Variants in USP19 observed in about 807,000 individuals in gnomAD.
USP19 encodes ubiquitin specific peptidase 19.
A neutral mutation model predicts 144.8 loss-of-function variants in USP19; 40 were observed. The ratio of observed to expected loss-of-function variants is 0.28; its 90% CI spans 0.21 to 0.36. USP19 has a LOEUF of 0.36. Among genes scored for constraint, USP19 ranks in the 10% least tolerant of loss-of-function variants. The pLI is 1.00. For synonymous variants in USP19, 701 were observed against 709.3 expected (o/e 0.99, Z 0.19); for missense variants, 1,518 against 1,822.5 (o/e 0.83, Z 3.04).
At chr3:49,109,194 T>C (rs1305963969) in intron 26 of USP19, 3 of 1,461,886 alleles carry the variant, frequency 2.1e-6, no homozygotes, top group Non-Finnish European at 2.7e-6. Context: ...GCCTAGGGTA[T>C]GTGGAAACGG....
chr3:49,108,707 T>TAA lies in USP19; in HGVS notation c.4039-181_4039-180dup, dbSNP rs2042688613. 1 of 1,334,530 alleles carries TAA rather than the reference T, an allele frequency of 7.5e-7. No individual in the cohort carries two copies. The highest frequency in any genetic ancestry group is 1.5e-5 in the African/African-American group (1 of 66,974). 82.7% of individuals were successfully genotyped at this position (1,334,530 alleles called of 1,614,324 possible). On this transcript the variant is annotated intron_variant, in intron 26 of 26. Transcript: ENST00000417901. The surrounding 1 kb of genome is among the most constrained non-coding windows in gnomAD (Gnocchi z 4.8). ...AATAGTCTGGTTTTATTAACACTTTTAAGTACAGGAAGTAGCTTGGGCAGG... is the reference window on the plus strand; with the variant it reads ...AATAGTCTGGTTTTATTAACACTTTTAAAAGTACAGGAAGTAGCTTGGGCAGG...
In USP19 at chr3:49,110,981, G is replaced by A. The variant is rs1475215126; in HGVS notation, c.3514C>T (p.Arg1172Trp). ...TLDQCLNLFTRPEVLAPEEAW... is the reference protein window; with the variant it reads ...TLDQCLNLFTWPEVLAPEEAW... Reference sequence around the variant, plus strand: ...TCCTCGGGTGCCAGCACCTCAGGCCGTGTGAAGAGGTTGAGGCACTGGTCC... The same window carrying A: ...TCCTCGGGTGCCAGCACCTCAGGCCATGTGAAGAGGTTGAGGCACTGGTCC... Residue 1172 changes from arginine to tryptophan, a missense_variant, in exon 23 of 27, where the codon CGG becomes TGG. Arg to Trp is a moderately radical substitution (Grantham distance 101, BLOSUM62 -3). Transcript: ENST00000417901. This position sits in a 1 kb window ranked among gnomAD's most constrained non-coding sequence, Gnocchi z 6.1. The A allele has an allele frequency of 3.7e-6, 6 of 1,613,826 alleles. No homozygotes were observed. The highest frequency in any genetic ancestry group is 5.1e-6 in the Non-Finnish European group (6 of 1,180,022).
intron 26 of USP19, chr3:49,109,910 C>A: frequency 3.2e-6 from 1 of 311,966 alleles, no homozygotes; most frequent in Non-Finnish European, 5.9e-6. Flanking sequence ...AGCATAGTGC[C>A]CAGTGAGGTT....
Position 49,112,740 on chromosome 3 carries a change from G to A in USP19, c.2506-111C>T. 4 of 1,446,028 alleles carry A rather than the reference G, an allele frequency of 2.8e-6. No homozygotes were observed. Among genetic ancestry groups the A allele is most frequent in the Non-Finnish European group, 3.7e-6 (4 of 1,082,830 alleles). 89.6% of individuals were successfully genotyped at this position (1,446,028 alleles called of 1,614,324 possible). ...CTTGGGTCTATGTGGGCAGTGGTGA[G>A]GTCTGTAGGCCCAAATAGGCTTATG... On this transcript the variant is annotated intron_variant, in intron 17 of 26. Coordinates refer to ENST00000417901, the MANE Select transcript of USP19 (RefSeq NM_001199161.2). The surrounding 1 kb of genome is among the most constrained non-coding windows in gnomAD (Gnocchi z 4.9).
In USP19 at chr3:49,117,905, C is replaced by T. The variant is rs1484953738; in HGVS notation, c.298+42G>A. ...AGATGGGAGCCAAATTGCAAGTGCCCCCTCCCCTTCCCTAGCAACAAAAAG... is the reference window on the plus strand; with the variant it reads ...AGATGGGAGCCAAATTGCAAGTGCCTCCTCCCCTTCCCTAGCAACAAAAAG... On this transcript the variant is annotated intron_variant, in intron 3 of 26. Coordinates refer to ENST00000417901, the MANE Select transcript of USP19 (RefSeq NM_001199161.2). The surrounding 1 kb of genome is among the most constrained non-coding windows in gnomAD (Gnocchi z 4.4). The T allele has an allele frequency of 3.1e-6, 5 of 1,612,978 alleles. No homozygotes were observed. In the East Asian group the frequency reaches 1.1e-4, roughly 36 times the overall value.
chr3:49,110,424 C>CTG lies in USP19; in HGVS notation c.3859+18_3859+19dup, dbSNP rs764109112. ...ACCACCACCCCTACCACCTATCCTG[C>CTG]TGGCTGTGTGTGCCCTCACCCACGT... On this transcript the variant is annotated intron_variant, in intron 25 of 26. Transcript: ENST00000417901. The surrounding 1 kb of genome is among the most constrained non-coding windows in gnomAD (Gnocchi z 6.1). The CTG allele has an allele frequency of 1.2e-6, 2 of 1,612,310 alleles. No individual in the cohort carries two copies. Among genetic ancestry groups the CTG allele is most frequent in the South Asian group, 2.2e-5 (2 of 90,884 alleles).
At position 49,111,404 on chromosome 3, in the gene USP19, C is replaced by T. The variant is rs779359369; in HGVS notation, c.3218-39G>A. ...TGATAATCAAAGCTTCCCTGCCCAT[C>T]AGGGCCTCACCAGGCCCACCAGGCC... On this transcript the variant is annotated intron_variant, in intron 21 of 26. Coordinates refer to ENST00000417901, the MANE Select transcript of USP19 (RefSeq NM_001199161.2). This position sits in a 1 kb window ranked among gnomAD's most constrained non-coding sequence, Gnocchi z 5.9. 18 of 1,613,134 alleles carry T rather than the reference C, an allele frequency of 1.1e-5. 1 individual carries two copies. In the South Asian group the frequency reaches 1.9e-4, roughly 17 times the overall value.
Position 49,112,597 on chromosome 3 carries a change from T to A in USP19, c.2538A>T (p.Leu846=). The part of the protein sequence containing the change: ...VIKNRFHRVF[L]PSHSLDTVSP... ...ACACAGTGTCCAGTGAGTGGGAGGGTAGGAACACACGATGAAAACGATTCT... is the reference window on the plus strand; with the variant it reads ...ACACAGTGTCCAGTGAGTGGGAGGGAAGGAACACACGATGAAAACGATTCT... The change falls in exon 18 of 27, where the codon CTA becomes CTT. Residue 846 remains leucine, a synonymous_variant. Transcript: ENST00000417901. The surrounding 1 kb of genome is among the most constrained non-coding windows in gnomAD (Gnocchi z 4.9). 1 of 1,613,628 alleles carries A rather than the reference T, an allele frequency of 6.2e-7. No homozygotes were observed. Among genetic ancestry groups the A allele is most frequent in the Non-Finnish European group, 8.5e-7 (1 of 1,179,778 alleles).
At position 49,111,703 on chromosome 3, in the gene USP19, T is replaced by C. The variant is rs768239415; in HGVS notation, c.3014A>G (p.Asp1005Gly). Reference protein sequence around the residue: ...LLSTGSLEAGDSERDPIQPPE... With the variant: ...LLSTGSLEAGGSERDPIQPPE... ...TGGCTGAATGGGGTCTCTCTCGCTG[T>C]CCCCAGCCTCCAGGGAACCTGTGGA... is the stretch of plus-strand genomic sequence containing the variant. Residue 1005 changes from aspartate to glycine, a missense_variant, in exon 21 of 27, where the codon GAC (aspartate) becomes GGC (glycine). Physicochemically the swap from Asp to Gly is moderately conservative, Grantham distance 94. Transcript: ENST00000417901. The surrounding 1 kb of genome is among the most constrained non-coding windows in gnomAD (Gnocchi z 5.9). The C allele has an allele frequency of 1.9e-6, 3 of 1,591,968 alleles. No individual in the cohort carries two copies. The African/African-American group carries it at 4.0e-5, about 21-fold the overall frequency.
chr3:49,108,984 G>A lies in USP19; in HGVS notation c.4039-456C>T, dbSNP rs757256165. The A allele has an allele frequency of 3.1e-5, 50 of 1,612,880 alleles. No homozygotes were observed. Among genetic ancestry groups the A allele is most frequent in the Middle Eastern group, 1.6e-4 (1 of 6,078 alleles). Reference sequence around the variant, plus strand: ...CATCTCCAGCGACTCTGGGATACCAGAGGATAGAACACGTTGAGCACGAGG... The same window carrying A: ...CATCTCCAGCGACTCTGGGATACCAAAGGATAGAACACGTTGAGCACGAGG... On this transcript the variant is annotated intron_variant, in intron 26 of 26. Coordinates refer to ENST00000417901, the MANE Select transcript of USP19 (RefSeq NM_001199161.2). This position sits in a 1 kb window ranked among gnomAD's most constrained non-coding sequence, Gnocchi z 4.8.
At chr3:49,119,849 C>T (rs1378233252) in intron 1 of USP19, among the ~76,000 whole-genome samples, 1 of 152,190 alleles carries the variant, frequency 6.6e-6, no homozygotes, top group Non-Finnish European at 1.5e-5. Flanking sequence ...CTCCTATGTA[C>T]TGCTTGGTCC....
Position 49,114,308 on chromosome 3 carries a change from G to C in USP19, c.2293-24C>G, listed in dbSNP as rs995858520. ...ACCTGTGGATGTAGAGGTGGCACTG[G>C]GTAGCTGCACACAGAGTGGGAGATA... is the stretch of plus-strand genomic sequence containing the variant. On this transcript the variant is annotated intron_variant, in intron 15 of 26. Transcript: ENST00000417901. This position sits in a 1 kb window ranked among gnomAD's most constrained non-coding sequence, Gnocchi z 4.5. 5.0e-6 allele frequency: 8 copies of C among 1,604,974 alleles called. No individual in the cohort carries two copies. The highest frequency in any genetic ancestry group is 6.8e-6 in the Non-Finnish European group (8 of 1,172,032).
chr3:49,119,245 T>C lies in USP19; in HGVS notation c.-100A>G. 1.4e-6 allele frequency: 2 copies of C among 1,462,042 alleles called. No individual in the cohort carries two copies. The highest frequency in any genetic ancestry group is 2.3e-5 in the East Asian group (1 of 43,208). 90.6% of individuals were successfully genotyped at this position (1,462,042 alleles called of 1,614,324 possible). ...TTCCTGGCCCAGCTATCTTGGCAAC[T>C]CTTTGTGGCCAAATTCTCCAGCAAG... On this transcript the variant is annotated 5_prime_UTR_variant, in exon 2 of 27. Transcript: ENST00000417901.
At position 49,108,232 on chromosome 3, in the gene USP19, T is replaced by A; in HGVS notation, c.*180A>T. 1 of 249,532 alleles carries A rather than the reference T, an allele frequency of 4.0e-6. No homozygotes were observed. 15.5% of individuals were successfully genotyped at this position (249,532 alleles called of 1,614,324 possible). ...GGCGGCTGGAGAAGCCAAAGCCCACTGGTCAGGGGTCCAAGCTGACAAGAA... is the reference window on the plus strand; with the variant it reads ...GGCGGCTGGAGAAGCCAAAGCCCACAGGTCAGGGGTCCAAGCTGACAAGAA... On this transcript the variant is annotated 3_prime_UTR_variant, in exon 27 of 27. Coordinates refer to ENST00000417901, the MANE Select transcript of USP19 (RefSeq NM_001199161.2). This position sits in a 1 kb window ranked among gnomAD's most constrained non-coding sequence, Gnocchi z 4.8.
chr3:49,110,246 TG>T lies in USP19; in HGVS notation c.3975del (p.Arg1326GlyfsTer11). On this transcript the variant is annotated frameshift_variant, in exon 26 of 27. Coordinates refer to ENST00000417901, the MANE Select transcript of USP19 (RefSeq NM_001199161.2). LOFTEE classifies it high-confidence loss of function. The surrounding 1 kb of genome is among the most constrained non-coding windows in gnomAD (Gnocchi z 6.1). ...RRRNSPVERP[P>X]RAGHSEHHPD... The stretch of plus-strand genomic sequence containing the variant: ...GGGTGGTGCTCAGAGTGACCTGCCC[TG>T]GGGGGCCTCTCCACAGGAGAGTTCC... 5.0e-6 allele frequency: 8 copies of T among 1,594,430 alleles called. No homozygotes were observed. Among genetic ancestry groups the T allele is most frequent in the South Asian group, 1.1e-5 (1 of 88,570 alleles).
chr3:49,119,032 A>T lies in USP19; in HGVS notation c.114T>A (p.Asp38Glu), dbSNP rs773645041. 2 of 1,614,082 alleles carry T rather than the reference A, an allele frequency of 1.2e-6. No homozygotes were observed. Among genetic ancestry groups the T allele is most frequent in the Non-Finnish European group, 1.7e-6 (2 of 1,179,982 alleles). Reference protein sequence around the residue: ...DRANQESKDGDPRKETGSRYV... With the variant: ...DRANQESKDGEPRKETGSRYV... ...GAATGCCACTCCCACCTTTCCTAGG[A>T]TCTCCATCCTTGCTCTCCTGGTTTG... Residue 38 changes from aspartate to glutamate, a missense_variant, in exon 2 of 27, where the codon GAT becomes GAA. Physicochemically the swap from Asp to Glu is conservative, Grantham distance 45. Around this residue, in one of 5 missense-constraint regions of USP19, gnomAD observed 707 missense variants for 728.9 expected, o/e 0.97. Transcript: ENST00000417901.
In USP19 at chr3:49,111,141, G is replaced by A. The variant is rs370859147; in HGVS notation, c.3354C>T (p.Asp1118=). Residue 1118 remains aspartate, a synonymous_variant, in exon 23 of 27, where the codon GAC becomes GAT. Coordinates refer to ENST00000417901, the MANE Select transcript of USP19 (RefSeq NM_001199161.2). This position sits in a 1 kb window ranked among gnomAD's most constrained non-coding sequence, Gnocchi z 5.9. ...GCCAGACGAGAGCCAGGCTACAGTC[G>A]TCACCCAGCTCCAGTGGGGTGTCTC... ...DKGDTPLELG[D]DCSLALVWRN... The A allele has an allele frequency of 1.2e-5, 19 of 1,613,694 alleles. No individual in the cohort carries two copies. Among genetic ancestry groups the A allele is most frequent in the Middle Eastern group, 1.6e-4 (1 of 6,062 alleles).
rs1214729019 is a variant in USP19 at position 49,110,755 on chromosome 3, A to G, written c.3654T>C (p.Phe1218=). ...AGTCATTGATCTTGTCACGCCAGAT[A>G]AAACTACGAAAGGAGAAGCGCTTGA... is the stretch of plus-strand genomic sequence containing the variant. ...VQLKRFSFRS[F]IWRDKINDLV... is the part of the protein sequence containing the mutation. The change falls in exon 24 of 27, where the codon TTT becomes TTC. Residue 1218 remains phenylalanine, a synonymous_variant. Coordinates refer to ENST00000417901, the MANE Select transcript of USP19 (RefSeq NM_001199161.2). This position sits in a 1 kb window ranked among gnomAD's most constrained non-coding sequence, Gnocchi z 6.1. 1 of 1,614,190 alleles carries G rather than the reference A, an allele frequency of 6.2e-7. No individual in the cohort carries two copies. Among genetic ancestry groups the G allele is most frequent in the South Asian group, 1.1e-5 (1 of 91,086 alleles).
At chr3:49,119,846 G>A (rs1349277278) in intron 1 of USP19, among the ~76,000 whole-genome samples, 1 of 152,168 alleles carries the variant, frequency 6.6e-6, no homozygotes, top group Admixed American at 6.5e-5. Flanking sequence ...CTGCTCCTAT[G>A]TACTGCTTGG....
Sources: gnomAD v4.1 joint callset for allele counts (sites outside exome capture counted in the v4.1 genomes callset) on GRCh38, gnomAD v4.1.1 for gene constraint, gnomAD v4.1.1 regional missense constraint, Gnocchi (gnomAD v3.1) non-coding constraint, MANE v1.5 for transcripts, NCBI Gene and HGNC (gene_info 2026-07-23, HGNC 2026-07-21) for gene names.